The following CLVS1 variants were observed in gnomAD, a reference collection of about 807,000 sequenced individuals.
The protein encoded by CLVS1 is clavesin 1.
A neutral mutation model predicts 33.1 loss-of-function variants in CLVS1; 10 were observed. The ratio of observed to expected loss-of-function variants is 0.30; its 90% CI spans 0.19 to 0.51. The LOEUF (loss-of-function observed/expected upper bound fraction) is 0.51, where lower values mean the gene tolerates loss of function less well. Ranked by LOEUF, CLVS1 falls within the 20% of genes least tolerant of loss-of-function variation. CLVS1 has a pLI of 0.97. For synonymous variants in CLVS1, 163 were observed against 166.1 expected, an observed-to-expected ratio of 0.98 and a Z score of 0.14; for missense variants, 343 against 433.4, an observed-to-expected ratio of 0.79 and a Z score of 1.85.
At chr8:61,085,050 A>G (rs78798427) in intron 1 of CLVS1, among the ~76,000 whole-genome samples, 3 of 152,244 alleles carry the variant, frequency 2.0e-5, no homozygotes, top group African/African-American at 4.8e-5. Context: ...CAGAACTGCT[A>G]TATTAGCAAA....
At chr8:61,438,430 G>T (rs1018843888) in intron 3 of CLVS1, among the ~76,000 whole-genome samples, 2 of 152,148 alleles carry the variant, frequency 1.3e-5, no homozygotes, top group African/African-American at 2.4e-5. Flanking sequence ...GTCTATCATT[G>T]ATGGGCATTT....
chr8:61,346,470 T>C (rs953954343), intron 2 of CLVS1, among the ~76,000 whole-genome samples: 5 of 152,112 alleles, frequency 3.3e-5, no homozygotes, highest in South Asian at 2.1e-4. Flanking sequence ...TAAAGCCTTA[T>C]AGATATGTTG....
Position 61,092,945 on chromosome 8 carries a change from G to A in CLVS1, c.-243+35715G>A, listed in dbSNP as rs192255395. Among the ~76,000 whole-genome samples, 495 of 152,148 alleles carry A rather than the reference G, an allele frequency of 3.3e-3. 3 individuals are homozygous for A. Among genetic ancestry groups the A allele is most frequent in the African/African-American group, 0.011 (460 of 41,410 alleles). Reference sequence around the variant, plus strand: ...ACGGCAGGGATTATGGCCATGGATAGAGCAGTGCAAGGACGAGACACATCC... The same window carrying A: ...ACGGCAGGGATTATGGCCATGGATAAAGCAGTGCAAGGACGAGACACATCC... On this transcript the variant is annotated intron_variant, in intron 1 of 2. Coordinates refer to the CLVS1 transcript ENST00000522621.
At chr8:61,234,586 G>A (rs1005683797) in intron 2 of CLVS1, among the ~76,000 whole-genome samples, 3 of 152,098 alleles carry the variant, frequency 2.0e-5, no homozygotes, top group Non-Finnish European at 4.4e-5. Context: ...GCACCCTCAG[G>A]TCCACCCTAG....
chr8:61,232,041 T>TTTTTTTTTTTTTTTTTTTTTTTG lies in CLVS1; in HGVS notation c.-151-67627_-151-67626insTTTTTTTTTTTTTGTTTTTTTTT, dbSNP rs1554548394. ...AGTTGTGGTTTTTTTTTTTTTTTTT[T>TTTTTTTTTTTTTTTTTTTTTTTG]TTTTTTTTTGTGAGATGGAGTCTCG... On this transcript the variant is annotated intron_variant, in intron 2 of 2. Coordinates refer to the CLVS1 transcript ENST00000522621. Among the ~76,000 whole-genome samples, 43 of 115,998 alleles carry TTTTTTTTTTTTTTTTTTTTTTTG rather than the reference T, an allele frequency of 3.7e-4. 3 individuals are homozygous for TTTTTTTTTTTTTTTTTTTTTTTG. The highest frequency in any genetic ancestry group is 1.7e-3 in the East Asian group (6 of 3,634). The allele number at this position is 115,998 out of a possible 152,430, so 76.1% of individuals were successfully genotyped here.
At chr8:61,484,065 T>A (rs1336415997) in intron 5 of CLVS1, among the ~76,000 whole-genome samples, 1 of 152,206 alleles carries the variant, frequency 6.6e-6, no homozygotes, top group South Asian at 2.1e-4. Context: ...CCACTCCTAT[T>A]CAACCTACTG....
chr8:61,444,968 G>A (rs993221223), intron 3 of CLVS1, among the ~76,000 whole-genome samples: 1 of 152,116 alleles, frequency 6.6e-6, no homozygotes, highest in Non-Finnish European at 1.5e-5. Flanking sequence ...TGAAAGGGGA[G>A]CTCCCAGGCT....
At chr8:61,253,161 A>G (rs1455811988) in intron 2 of CLVS1, among the ~76,000 whole-genome samples, 1 of 152,220 alleles carries the variant, frequency 6.6e-6, no homozygotes, top group Non-Finnish European at 1.5e-5. Context: ...AAAGTATTTT[A>G]TTTCTCCTTC....
intron 2 of CLVS1, among the ~76,000 whole-genome samples, chr8:61,228,754 A>G (rs906504542): frequency 1.3e-5 from 2 of 152,208 alleles, no homozygotes; most frequent in African/African-American, 4.8e-5. Context: ...ATAGTATTCC[A>G]CTGTGTACAT....
chr8:60,973,631 T>A, the CLVS1 span, among the ~76,000 whole-genome samples: 1 of 152,234 alleles, frequency 6.6e-6, no homozygotes, highest in African/African-American at 2.4e-5. Flanking sequence ...AGGGAGCATC[T>A]TGCAGGTCAA....
Position 61,153,546 on chromosome 8 carries a change from G to T in CLVS1, c.-152+21686G>T, listed in dbSNP as rs1258351236. On this transcript the variant is annotated intron_variant, in intron 2 of 2. Transcript: ENST00000522621. The stretch of plus-strand genomic sequence containing the variant: ...TGTTTTGTTTTTGGCATCTGGCAAG[G>T]TAAGCAGGAAAATAAAATCCTCCAA... Among the ~76,000 whole-genome samples, 3 of 152,144 alleles carry T rather than the reference G, an allele frequency of 2.0e-5. No individual in the cohort carries two copies. In the East Asian group the frequency reaches 5.8e-4, roughly 29 times the overall value.
At chr8:61,343,460 C>T (rs1261195993) in intron 2 of CLVS1, among the ~76,000 whole-genome samples, 1 of 152,148 alleles carries the variant, frequency 6.6e-6, no homozygotes, top group Non-Finnish European at 1.5e-5. Flanking sequence ...CAGTATGATT[C>T]AGTTACTGCT....
chr8:61,049,797 G>A, the CLVS1 span, among the ~76,000 whole-genome samples: 1 of 152,210 alleles, frequency 6.6e-6, no homozygotes, highest in South Asian at 2.1e-4. Flanking sequence ...GCCATTACTG[G>A]CTTTGGGGCC....
chr8:61,383,214 G>A (rs888701615), intron 3 of CLVS1, among the ~76,000 whole-genome samples: 1 of 152,156 alleles, frequency 6.6e-6, no homozygotes, highest in Admixed American at 6.5e-5. Context: ...ACCTGCCCAC[G>A]CAGTGACACT....
chr8:61,267,790 T>C (rs546792790), intron 2 of CLVS1, among the ~76,000 whole-genome samples: 1 of 152,238 alleles, frequency 6.6e-6, no homozygotes, highest in Non-Finnish European at 1.5e-5. Context: ...GCAGTTAGCA[T>C]GATTATGTTT....
At chr8:61,014,169 T>A in the CLVS1 span, among the ~76,000 whole-genome samples, 1 of 150,426 alleles carries the variant, frequency 6.6e-6, no homozygotes. Context: ...AGCATGGAGG[T>A]TGGCTCATTA....
At chr8:61,483,623 A>C (rs1803753498) in intron 5 of CLVS1, among the ~76,000 whole-genome samples, 3 of 152,310 alleles carry the variant, frequency 2.0e-5, no homozygotes, top group Admixed American at 2.0e-4. Flanking sequence ...CCTGATACCA[A>C]AGCCTGGCAG....
At chr8:61,112,209 C>CACACACACACACACACAT (rs141923511) in intron 1 of CLVS1, among the ~76,000 whole-genome samples, 7 of 145,638 alleles carry the variant, frequency 4.8e-5, no homozygotes, top group African/African-American at 1.8e-4. Context: ...CACACACACA[C>CACACACACACACACACAT]ACACACACAC....
At chr8:61,224,219 T>C (rs74935991) in intron 2 of CLVS1, among the ~76,000 whole-genome samples, 1 of 152,130 alleles carries the variant, frequency 6.6e-6, no homozygotes, top group Non-Finnish European at 1.5e-5. Flanking sequence ...AATGGAGAGA[T>C]GTTGTGATCA....
Sources: gnomAD v4.1 joint callset for allele counts (sites outside exome capture counted in the v4.1 genomes callset) on GRCh38, gnomAD v4.1.1 for gene constraint, MANE v1.5 for transcripts, NCBI Gene and HGNC (gene_info 2026-07-23, HGNC 2026-07-21) for gene names.